Variants in GALNT17 observed in about 807,000 individuals in gnomAD.
The protein encoded by GALNT17 is UDP-GalNAc:polypeptide N-acetylgalactosaminyltransferase-like 3.
A neutral mutation model predicts 63.7 loss-of-function variants in GALNT17; 29 were observed. The ratio of observed to expected loss-of-function variants is 0.46; its 90% CI spans 0.34 to 0.62. The LOEUF (loss-of-function observed/expected upper bound fraction) is 0.62. GALNT17 is among the 20% of genes least tolerant of loss of function. The pLI, the probability that GALNT17 is intolerant of heterozygous loss-of-function variation, is 0.01. For synonymous variants in GALNT17, 305 were observed against 318.3 expected, an observed-to-expected ratio of 0.96 and a Z score of 0.45; for missense variants, 603 against 799.6, an observed-to-expected ratio of 0.75 and a Z score of 2.97.
intron 2 of GALNT17, among the ~76,000 whole-genome samples, chr7:71,370,204 C>T (rs1217685285): frequency 6.6e-6 from 1 of 152,212 alleles, no homozygotes; most frequent in Non-Finnish European, 1.5e-5. Context: ...ACTCAGTTTC[C>T]AAACAAGATT....
chr7:71,233,946 C>G (rs573474212), intron 1 of GALNT17, among the ~76,000 whole-genome samples: 1 of 152,108 alleles, frequency 6.6e-6, no homozygotes, highest in Non-Finnish European at 1.5e-5. Flanking sequence ...AGAAAGTGGT[C>G]AAAGAGGGAG....
intron 6 of GALNT17, among the ~76,000 whole-genome samples, chr7:71,633,153 TA>T (rs1159323723): frequency 6.7e-6 from 1 of 150,374 alleles, no homozygotes; most frequent in Non-Finnish European, 1.5e-5. Context: ...TATTTAGTTC[TA>T]GGGGGTGCTT....
chr7:71,561,115 C>T (rs1164453828), intron 5 of GALNT17, among the ~76,000 whole-genome samples: 1 of 152,216 alleles, frequency 6.6e-6, no homozygotes, highest in East Asian at 1.9e-4. Flanking sequence ...CGGGTTCAAG[C>T]GATTCGCCTG....
At chr7:71,626,070 C>G (rs544259458) in intron 6 of GALNT17, among the ~76,000 whole-genome samples, 7 of 151,984 alleles carry the variant, frequency 4.6e-5, no homozygotes, top group African/African-American at 1.7e-4. Flanking sequence ...ATGGTGAAAC[C>G]CTGTCTCTAC....
chr7:71,426,391 T>A (rs1786761514), intron 5 of GALNT17, among the ~76,000 whole-genome samples: 1 of 152,236 alleles, frequency 6.6e-6, no homozygotes, highest in South Asian at 2.1e-4. Flanking sequence ...GAGAAGCTTC[T>A]TAAATCTGCT....
intron 6 of GALNT17, among the ~76,000 whole-genome samples, chr7:71,589,721 A>G (rs1789771030): frequency 6.6e-6 from 1 of 152,224 alleles, no homozygotes; most frequent in Non-Finnish European, 1.5e-5. Flanking sequence ...TTTACAGATG[A>G]TAATACTGGG....
At chr7:71,316,670 C>G (rs896463810) in intron 1 of GALNT17, among the ~76,000 whole-genome samples, 1 of 152,070 alleles carries the variant, frequency 6.6e-6, no homozygotes, top group Admixed American at 6.5e-5. Context: ...CCTAGGGAGG[C>G]CTGCTTACTT....
At chr7:71,394,444 G>A (rs1374142500) in intron 3 of GALNT17, among the ~76,000 whole-genome samples, 1 of 152,126 alleles carries the variant, frequency 6.6e-6, no homozygotes, top group Non-Finnish European at 1.5e-5. Flanking sequence ...TTCTTAAACT[G>A]GGATCACTTG....
chr7:71,236,869 C>G (rs992235893), intron 1 of GALNT17, among the ~76,000 whole-genome samples: 3 of 152,140 alleles, frequency 2.0e-5, no homozygotes, highest in African/African-American at 7.2e-5. Context: ...GAAAAGAAAG[C>G]CAGGACGGGG....
Position 71,181,110 on chromosome 7 carries a change from C to T in GALNT17, c.238+48070C>T, listed in dbSNP as rs148854437. Among the ~76,000 whole-genome samples, 1,023 of 152,026 alleles carry T rather than the reference C, an allele frequency of 6.7e-3. 9 individuals carry two copies. The highest frequency in any genetic ancestry group is 0.022 in the African/African-American group (904 of 41,464). On this transcript the variant is annotated intron_variant, in intron 1 of 10. Transcript: ENST00000333538. ...CTCTACTAAAAACACAAAAAATTAA[C>T]CGAGTGTGGTGGTGGACACCTATAG...
At chr7:71,695,263 C>T (rs529362777) in intron 9 of GALNT17, among the ~76,000 whole-genome samples, 8 of 152,300 alleles carry the variant, frequency 5.3e-5, no homozygotes, top group African/African-American at 1.7e-4. Context: ...TCTATCCGCT[C>T]CTAGAACTGT....
intron 2 of GALNT17, among the ~76,000 whole-genome samples, chr7:71,357,446 C>T (rs964934169): frequency 6.6e-6 from 1 of 152,152 alleles, no homozygotes; most frequent in African/African-American, 2.4e-5. Context: ...AAGTTGTCTT[C>T]CATGAAACTG....
At chr7:71,435,749 A>G (rs528741318) in intron 5 of GALNT17, among the ~76,000 whole-genome samples, 10 of 152,172 alleles carry the variant, frequency 6.6e-5, no homozygotes, top group South Asian at 4.2e-4. Context: ...GCCAGGCGCA[A>G]TGGCTCACGC....
intron 5 of GALNT17, among the ~76,000 whole-genome samples, chr7:71,447,697 A>G (rs1787184888): frequency 6.6e-6 from 1 of 152,074 alleles, no homozygotes; most frequent in Admixed American, 6.6e-5. Flanking sequence ...TACTTTGGTT[A>G]TTTTTCCCTT....
chr7:71,493,954 C>CT (rs1788052190), intron 5 of GALNT17, among the ~76,000 whole-genome samples: 1 of 151,878 alleles, frequency 6.6e-6, no homozygotes, highest in Non-Finnish European at 1.5e-5. Flanking sequence ...AGAAGGAAGT[C>CT]TATCAGCTTT....
chr7:71,484,443 G>A (rs1300192771), intron 5 of GALNT17, among the ~76,000 whole-genome samples: 1 of 152,088 alleles, frequency 6.6e-6, no homozygotes, highest in Admixed American at 6.6e-5. Context: ...AGATGAGATC[G>A]TACTACTGCA....
intron 1 of GALNT17, among the ~76,000 whole-genome samples, chr7:71,314,652 C>G (rs907461008): frequency 2.6e-5 from 4 of 152,074 alleles, no homozygotes; most frequent in African/African-American, 9.7e-5. Flanking sequence ...GAAATTCACT[C>G]TACTTTGGGA....
At chr7:71,666,713 T>C (rs1172823346) in intron 7 of GALNT17, among the ~76,000 whole-genome samples, 1 of 152,240 alleles carries the variant, frequency 6.6e-6, no homozygotes, top group African/African-American at 2.4e-5. Flanking sequence ...CAAATACTGT[T>C]AATTTATTTC....
At chr7:71,599,500 G>A (rs55642996) in intron 6 of GALNT17, among the ~76,000 whole-genome samples, 40,748 of 151,846 alleles carry the variant, frequency 0.27, 5,696 homozygotes, top group African/African-American at 0.29. Context: ...GCATCATTCT[G>A]TGTCCTCTTA....
Sources: gnomAD v4.1 joint callset for allele counts (sites outside exome capture counted in the v4.1 genomes callset) on GRCh38, gnomAD v4.1.1 for gene constraint, MANE v1.5 for transcripts, NCBI Gene and HGNC (gene_info 2026-07-23, HGNC 2026-07-21) for gene names.